The following ANKH variants were observed in gnomAD, a reference collection of about 807,000 sequenced individuals.
ANKH encodes the protein ANKH inorganic pyrophosphate transport regulator, also known as mineralization regulator ANKH.
In ANKH, 15 loss-of-function variants were observed where a neutral mutation model predicts 49.0. The observed-to-expected ratio is 0.31, with a 90% CI of 0.20 to 0.47. The LOEUF (loss-of-function observed/expected upper bound fraction) is 0.47, where lower values mean the gene tolerates loss of function less well. Ranked by LOEUF, ANKH falls within the 20% of genes least tolerant of loss-of-function variation. The pLI is 1.00. For synonymous variants in ANKH, 273 were observed against 260.0 expected (o/e 1.05, Z -0.48); for missense variants, 429 against 652.0 (o/e 0.66, Z 3.72).
intron 1 of ANKH, among the ~76,000 whole-genome samples, chr5:14,839,880 A>G (rs1561078754): frequency 6.6e-6 from 1 of 152,234 alleles, no homozygotes; most frequent in Non-Finnish European, 1.5e-5. Context: ...AGGTAGAAAC[A>G]TGACCCTGAC....
intron 8 of ANKH, 88 bp from the exon 9 acceptor site, chr5:14,716,923 G>C: frequency 2.6e-6 from 4 of 1,553,292 alleles, no homozygotes; most frequent in Admixed American, 1.7e-5. Context: ...TCCTTGGAGA[G>C]TTACGAAAGA....
chr5:14,745,630 G>T lies in ANKH; in HGVS notation c.915+240C>A, dbSNP rs1475726981. ...AATCATTTCTCAATGGGAATAACCT[G>T]AAAGTAACCACAGGCTGATCACTTT... On this transcript the variant is annotated intron_variant, in intron 7 of 11. Coordinates refer to ENST00000284268, the MANE Select transcript of ANKH (RefSeq NM_054027.6). The surrounding 1 kb of genome is among the most constrained non-coding windows in gnomAD (Gnocchi z 4.7). 6.6e-6 allele frequency among the ~76,000 whole-genome samples: 1 copy of T among 152,190 alleles called. No individual in the cohort carries two copies. Among genetic ancestry groups the T allele is most frequent in the African/African-American group, 2.4e-5 (1 of 41,438 alleles).
intron 8 of ANKH, among the ~76,000 whole-genome samples, chr5:14,735,881 G>A (rs930826942): frequency 2.0e-5 from 3 of 151,996 alleles, no homozygotes; most frequent in Non-Finnish European, 2.9e-5. Context: ...AAGGTTTGGC[G>A]AATCCTATTC....
chr5:14,813,781 T>C (rs978344245), intron 1 of ANKH, among the ~76,000 whole-genome samples: 1 of 152,178 alleles, frequency 6.6e-6, no homozygotes, highest in Admixed American at 6.5e-5. Flanking sequence ...TCTTAAAACA[T>C]GGACAAGACC....
At chr5:14,804,815 G>A (rs1740657987) in intron 1 of ANKH, among the ~76,000 whole-genome samples, 1 of 152,188 alleles carries the variant, frequency 6.6e-6, no homozygotes, top group Non-Finnish European at 1.5e-5. Context: ...CCCAGGCATA[G>A]GATTTGGTTC....
chr5:14,765,118 T>C (rs765892206), intron 2 of ANKH, among the ~76,000 whole-genome samples: 9 of 152,210 alleles, frequency 5.9e-5, no homozygotes, highest in Non-Finnish European at 1.3e-4. Flanking sequence ...CCGGGCTCTG[T>C]ACTCTTCGTT....
chr5:14,848,495 T>C (rs1028423241), intron 1 of ANKH, among the ~76,000 whole-genome samples: 4 of 152,240 alleles, frequency 2.6e-5, no homozygotes, highest in African/African-American at 9.6e-5. Flanking sequence ...TCCATGTTTG[T>C]TCCGGCTCGA....
At chr5:14,773,160 A>G (rs771573858) in intron 1 of ANKH, among the ~76,000 whole-genome samples, 3 of 152,174 alleles carry the variant, frequency 2.0e-5, no homozygotes, top group Non-Finnish European at 4.4e-5. Context: ...GACATCAACA[A>G]TAGCATGTGG....
At chr5:14,771,332 A>G (rs1030421305) in intron 1 of ANKH, among the ~76,000 whole-genome samples, 3 of 152,226 alleles carry the variant, frequency 2.0e-5, no homozygotes, top group Non-Finnish European at 4.4e-5. Flanking sequence ...TACCCTGAGA[A>G]TGACCCTGCA....
rs1028203141 is a variant in ANKH at position 14,724,373 on chromosome 5, C to G, written c.1012-7538G>C. Among the ~76,000 whole-genome samples the G allele has an allele frequency of 3.9e-5, 6 of 152,128 alleles. No homozygotes were observed. In the East Asian group the frequency reaches 1.2e-3, roughly 29 times the overall value. ...AAACCCCAAAACATTTTCAAGCAGG[C>G]CTTAACTGTGTGTCGTCATTCTGTG... On this transcript the variant is annotated intron_variant, in intron 8 of 11. Coordinates refer to ENST00000284268, the MANE Select transcript of ANKH (RefSeq NM_054027.6).
chr5:14,789,305 C>T (rs1740082632), intron 1 of ANKH, among the ~76,000 whole-genome samples: 2 of 152,212 alleles, frequency 1.3e-5, no homozygotes, highest in Non-Finnish European at 2.9e-5. Flanking sequence ...TGGTTCCAAC[C>T]TCAATGTTAG....
Position 14,871,561 on chromosome 5 carries a change from G to C in ANKH, c.-114C>G, listed in dbSNP as rs1735829858. Reference sequence around the variant, plus strand: ...CGGGGCGCGGGCCGACAGAGGCCGCGGGCGGCGGGGCCTCGGGCGCGGCGG... The same window carrying C: ...CGGGGCGCGGGCCGACAGAGGCCGCCGGCGGCGGGGCCTCGGGCGCGGCGG... On this transcript the variant is annotated 5_prime_UTR_variant, in exon 1 of 12. Transcript: ENST00000284268. 1.9e-6 allele frequency: 1 copy of C among 531,504 alleles called. No homozygotes were observed. Among genetic ancestry groups the C allele is most frequent in the Non-Finnish European group, 2.6e-6 (1 of 388,574 alleles). 32.9% of individuals were successfully genotyped at this position (531,504 alleles called of 1,614,324 possible). A position where few individuals can be genotyped will look rare whatever the true frequency, so the allele number is the denominator to read the frequency against.
intron 1 of ANKH, among the ~76,000 whole-genome samples, chr5:14,792,073 T>C (rs1740185548): frequency 6.6e-6 from 1 of 152,106 alleles, no homozygotes; most frequent in Non-Finnish European, 1.5e-5. Flanking sequence ...CTGGATCCTT[T>C]GGGACGAGGG....
At chr5:14,810,605 C>T (rs1361773258) in intron 1 of ANKH, among the ~76,000 whole-genome samples, 2 of 152,162 alleles carry the variant, frequency 1.3e-5, no homozygotes, top group African/African-American at 4.8e-5. Flanking sequence ...ATTACAGTAA[C>T]CATGAATTCA....
intron 1 of ANKH, among the ~76,000 whole-genome samples, chr5:14,790,287 C>T (rs1026241674): frequency 1.3e-4 from 20 of 152,174 alleles, no homozygotes; most frequent in African/African-American, 4.8e-4. Context: ...TTTTTAAACC[C>T]CTCAAACACA....
In ANKH at chr5:14,711,116, AATACGATGGGAGAGGGAAG is replaced by A; in HGVS notation, c.*62_*80del. ...AAACAAAACAAAAAAAAGGGAACAA[AATACGATGGGAGAGGGAAG>A]AGATGATGCCGAAGTGTCATCCTGA... is the stretch of plus-strand genomic sequence containing the variant. On this transcript the variant is annotated 3_prime_UTR_variant, in exon 12 of 12. Coordinates refer to ENST00000284268, the MANE Select transcript of ANKH (RefSeq NM_054027.6). The A allele has an allele frequency of 5.6e-6, 7 of 1,241,596 alleles. No homozygotes were observed. The South Asian group carries it at 8.4e-5, about 15-fold the overall frequency. 76.9% of individuals were successfully genotyped at this position (1,241,596 alleles called of 1,614,324 possible).
At chr5:14,824,778 CT>C (rs1190777238) in intron 1 of ANKH, among the ~76,000 whole-genome samples, 1 of 152,160 alleles carries the variant, frequency 6.6e-6, no homozygotes, top group Non-Finnish European at 1.5e-5. Context: ...CCCCTGACTT[CT>C]GCTTGGCCTG....
At chr5:14,796,697 T>C (rs1740401811) in intron 1 of ANKH, among the ~76,000 whole-genome samples, 1 of 152,156 alleles carries the variant, frequency 6.6e-6, no homozygotes, top group African/African-American at 2.4e-5. Context: ...ATGACTTGAA[T>C]CTCCCCTATT....
intron 8 of ANKH, among the ~76,000 whole-genome samples, chr5:14,728,013 T>C (rs973694190): frequency 6.6e-6 from 1 of 152,244 alleles, no homozygotes. Flanking sequence ...CTAGCCTTTA[T>C]TGTCTTCATC....
Sources: allele counts gnomAD v4.1 joint callset (sites outside exome capture counted in the v4.1 genomes callset), GRCh38; gene constraint gnomAD v4.1.1; non-coding constraint Gnocchi (gnomAD v3.1); transcripts MANE v1.5; gene names NCBI Gene and HGNC (gene_info 2026-07-23, HGNC 2026-07-21).